DLC1: variants seen among roughly 807,000 people sequenced by gnomAD.
DLC1 encodes rho GTPase-activating protein 7.
A neutral mutation model predicts 140.3 loss-of-function variants in DLC1; 54 were observed. That is an observed-to-expected ratio of 0.38 (90% confidence interval 0.31 to 0.48). The LOEUF (loss-of-function observed/expected upper bound fraction) is 0.48, where lower values mean the gene tolerates loss of function less well. Ranked by LOEUF, DLC1 falls within the 20% of genes least tolerant of loss-of-function variation. The probability of loss-of-function intolerance (pLI) is 0.96; values close to 1 mark genes in which losing one functional copy is unlikely to be tolerated. For missense variants in DLC1, 2,536 were observed against 1,907.0 expected, an observed-to-expected ratio of 1.33 and a Z score of -6.14; for synonymous variants, 986 against 728.1, an observed-to-expected ratio of 1.35 and a Z score of -5.70.
chr8:13,533,103 C>A (rs1480465036), intron 1 of DLC1, among the ~76,000 whole-genome samples: 2 of 152,008 alleles, frequency 1.3e-5, no homozygotes, highest in Non-Finnish European at 2.9e-5. Flanking sequence ...CATTAAAATA[C>A]TAATTAACAT....
rs1821149554 is a variant in DLC1, at chr8:13,122,233, GAC to G, written c.1349-6578_1349-6577del. Among the ~76,000 whole-genome samples the G allele has an allele frequency of 2.0e-5, 3 of 152,240 alleles. No individual in the cohort carries two copies. In the South Asian group the frequency reaches 6.2e-4, roughly 32 times the overall value. ...AATACAATCCAAACTCCTCAGCAAA[GAC>G]CACAGCCTTCACAGTTTGGCATCTG... On this transcript the variant is annotated intron_variant, in intron 5 of 17. Transcript: ENST00000276297.
intron 2 of DLC1, among the ~76,000 whole-genome samples, chr8:13,420,878 A>G (rs1430113787): frequency 3.3e-5 from 5 of 152,094 alleles, no homozygotes; most frequent in Non-Finnish European, 1.5e-5. Context: ...CGTATGTATG[A>G]CTAGTTTCTA....
chr8:13,599,734 A>T (rs1361748306), intron 1 of DLC1, among the ~76,000 whole-genome samples: 1 of 152,002 alleles, frequency 6.6e-6, no homozygotes, highest in African/African-American at 2.4e-5. Flanking sequence ...ATCCAAATGT[A>T]TATATAAACC....
At chr8:13,436,869 G>T (rs976716661) in intron 2 of DLC1, among the ~76,000 whole-genome samples, 4 of 152,010 alleles carry the variant, frequency 2.6e-5, no homozygotes, top group Non-Finnish European at 4.4e-5. Flanking sequence ...TAAATATGAT[G>T]CCCTGTCTAA....
At chr8:13,452,767 G>C (rs887876751) in intron 2 of DLC1, among the ~76,000 whole-genome samples, 2 of 152,160 alleles carry the variant, frequency 1.3e-5, no homozygotes, top group South Asian at 4.1e-4. Context: ...TTAGTTTCAG[G>C]GTTAGTTTAA....
intron 5 of DLC1, among the ~76,000 whole-genome samples, chr8:13,275,465 G>A (rs1250452819): frequency 6.6e-6 from 1 of 152,178 alleles, no homozygotes. Flanking sequence ...AGACGGCATA[G>A]GAACACAGAC....
intron 4 of DLC1, among the ~76,000 whole-genome samples, chr8:13,317,501 T>C (rs1401898562): frequency 1.3e-5 from 2 of 152,050 alleles, no homozygotes; most frequent in African/African-American, 4.8e-5. Context: ...GGGTAGAAGA[T>C]AGGAGATGAA....
chr8:13,271,453 T>G (rs1830927735), intron 5 of DLC1, among the ~76,000 whole-genome samples: 1 of 152,224 alleles, frequency 6.6e-6, no homozygotes, highest in African/African-American at 2.4e-5. Context: ...GCACTCATTT[T>G]GCTAGTGAAT....
At chr8:13,531,090 G>A (rs931616774) in intron 1 of DLC1, among the ~76,000 whole-genome samples, 3 of 152,090 alleles carry the variant, frequency 2.0e-5, no homozygotes, top group Admixed American at 6.5e-5. Context: ...GTGAAGACAT[G>A]GGAAGAAGGT....
chr8:13,307,081 CAAAAAAAAAA>C (rs34372620), intron 4 of DLC1, among the ~76,000 whole-genome samples: 3 of 70,148 alleles, frequency 4.3e-5, no homozygotes, highest in Admixed American at 2.0e-4. Context: ...GAGACTCTGT[CAAAAAAAAAA>C]AAAAAAAAAA....
chr8:13,570,271 C>T (rs1246570475), intron 1 of DLC1, among the ~76,000 whole-genome samples: 2 of 150,656 alleles, frequency 1.3e-5, no homozygotes, highest in East Asian at 2.0e-4. Flanking sequence ...TCTATGTGCA[C>T]ATTTGTTTCC....
chr8:13,408,292 G>A (rs1232376259), intron 2 of DLC1, among the ~76,000 whole-genome samples: 69 of 152,130 alleles, frequency 4.5e-4, no homozygotes, highest in Non-Finnish European at 2.9e-5. Flanking sequence ...GTTATTTAAA[G>A]TTGCAACAAG....
At position 13,500,199 on chromosome 8, in the gene DLC1, A is replaced by C; in HGVS notation, c.-125-3T>G. 1.2e-6 allele frequency: 1 copy of C among 837,684 alleles called. No homozygotes were observed. 51.9% of individuals were successfully genotyped at this position (837,684 alleles called of 1,614,324 possible). A position where few individuals can be genotyped will look rare whatever the true frequency, so the allele number is the denominator to read the frequency against. Reference sequence around the variant, plus strand: ...AATGAGTTCTGTCATTTCACCACCTATTAAAAAATTCAAAAAAATATGTAG... The same window carrying C: ...AATGAGTTCTGTCATTTCACCACCTCTTAAAAAATTCAAAAAAATATGTAG... On this transcript the variant is annotated splice_polypyrimidine_tract_variant and splice_region_variant and intron_variant, in intron 1 of 17. Transcript: ENST00000276297.
chr8:13,284,495 C>G (rs148156920), intron 5 of DLC1, among the ~76,000 whole-genome samples: 1,793 of 152,088 alleles, frequency 0.012, 19 homozygotes, highest in South Asian at 0.043. Context: ...CCATTGCACT[C>G]CAGCCTGGGT....
intron 2 of DLC1, among the ~76,000 whole-genome samples, chr8:13,461,683 T>C (rs930035109): frequency 1.3e-5 from 2 of 152,180 alleles, no homozygotes; most frequent in African/African-American, 4.8e-5. Flanking sequence ...ATGCCCATCC[T>C]CTCCGCAAAG....
Position 13,085,909 on chromosome 8 carries a change from T to G in DLC1, c.4489A>C (p.Thr1497Pro), listed in dbSNP as rs765612694. 1.2e-6 allele frequency: 2 copies of G among 1,614,184 alleles called. No individual in the cohort carries two copies. Among genetic ancestry groups the G allele is most frequent in the South Asian group, 2.2e-5 (2 of 91,084 alleles). ...DLRGHMPEWY[T>P]KSFGHLCAAE... ...GCACACAAATGTCCAAAAGATTTTG[T>G]GTACCATTCTGGCATGTGGCCCCTA... Residue 1497 changes from threonine to proline, a missense_variant, in exon 18 of 18, where the codon ACA becomes CCA. Transcript: ENST00000276297.
At chr8:13,332,533 C>T (rs531891575) in intron 4 of DLC1, among the ~76,000 whole-genome samples, 50 of 151,548 alleles carry the variant, frequency 3.3e-4, no homozygotes, top group African/African-American at 1.1e-3. Context: ...GGGGTTCAAG[C>T]GATTCTCCTG....
intron 1 of DLC1, among the ~76,000 whole-genome samples, chr8:13,579,759 A>G (rs938616311): frequency 1.3e-5 from 2 of 151,192 alleles, no homozygotes; most frequent in Admixed American, 6.7e-5. Context: ...GCAGCAGCAA[A>G]AACATTTTGT....
chr8:13,579,457 T>TTTAATATATTTTATATTATATAC (rs1804993858), intron 1 of DLC1, among the ~76,000 whole-genome samples: 1 of 79,030 alleles, frequency 1.3e-5, no homozygotes, highest in Non-Finnish European at 2.1e-5. Flanking sequence ...ATATTATATA[T>TTTAATATATTTTATATTATATAC]TTAATACATT....
Sources: allele counts gnomAD v4.1 joint callset (sites outside exome capture counted in the v4.1 genomes callset), GRCh38; gene constraint gnomAD v4.1.1; transcripts MANE v1.5; gene names NCBI Gene and HGNC (gene_info 2026-07-23, HGNC 2026-07-21).